Variants in KIAA0825 observed in about 807,000 individuals in gnomAD.
The protein encoded by KIAA0825 is uncharacterized protein KIAA0825.
KIAA0825 carries 119 observed loss-of-function variants against 147.6 expected under a neutral mutation model. That is an observed-to-expected ratio of 0.81 (90% confidence interval 0.69 to 0.94). The LOEUF is 0.94. Among genes scored for constraint, KIAA0825 ranks in the 40% least tolerant of loss-of-function variants. KIAA0825 has a pLI of 0.00. For missense variants in KIAA0825, 1,381 were observed against 1,472.7 expected (o/e 0.94, Z 1.02); for synonymous variants, 470 against 518.1 (o/e 0.91, Z 1.26).
At chr5:94,278,569 T>C (rs934645990) in intron 20 of KIAA0825, among the ~76,000 whole-genome samples, 4 of 152,110 alleles carry the variant, frequency 2.6e-5, no homozygotes. Context: ...TAAGTTGTAT[T>C]GTTGAGTTAG....
chr5:94,254,204 T>TA (rs1776120475), intron 20 of KIAA0825, among the ~76,000 whole-genome samples: 2 of 152,180 alleles, frequency 1.3e-5, no homozygotes, highest in Admixed American at 1.3e-4. Context: ...AACTAATTTT[T>TA]ATGGTTATAG....
intron 1 of KIAA0825, chr5:94,593,263 CA>C (rs1284570779): frequency 2.6e-6 from 2 of 765,702 alleles, no homozygotes; most frequent in African/African-American, 3.4e-5. Context: ...AGCAGATCAG[CA>C]TTTGTATTTT....
intron 20 of KIAA0825, among the ~76,000 whole-genome samples, chr5:94,356,566 GC>G (rs1250213489): frequency 6.6e-6 from 1 of 151,084 alleles, no homozygotes; most frequent in African/African-American, 2.4e-5. Flanking sequence ...AGCCGAGATT[GC>G]GCCACCGGAC....
At chr5:94,326,081 T>C (rs1046843988) in intron 20 of KIAA0825, among the ~76,000 whole-genome samples, 1 of 152,108 alleles carries the variant, frequency 6.6e-6, no homozygotes, top group African/African-American at 2.4e-5. Flanking sequence ...AAAGATATTA[T>C]GTGTTGCTCC....
At position 94,152,848 on chromosome 5, in the gene KIAA0825, A is replaced by T. The variant is rs1766627546; in HGVS notation, c.*1159T>A. 9 of 26,164 alleles carry T rather than the reference A, an allele frequency of 3.4e-4. No individual in the cohort carries two copies. The highest frequency in any genetic ancestry group is 6.2e-4 in the Non-Finnish European group (8 of 12,848). 1.6% of individuals were successfully genotyped at this position (26,164 alleles called of 1,614,324 possible). On this transcript the variant is annotated 3_prime_UTR_variant, in exon 21 of 21. Coordinates refer to ENST00000682413, the MANE Select transcript of KIAA0825 (RefSeq NM_001145678.3). The stretch of plus-strand genomic sequence containing the variant: ...AAAAAAAAAAAAAAAAAAAAAAAAA[A>T]AAAAAAATTATATATATATATATAT...
chr5:94,606,326 T>C (rs978697017), intron 1 of KIAA0825, among the ~76,000 whole-genome samples: 18 of 152,244 alleles, frequency 1.2e-4, no homozygotes, highest in East Asian at 5.8e-4. Context: ...AATGGCTACA[T>C]TGCCCAAAGT....
intron 20 of KIAA0825, among the ~76,000 whole-genome samples, chr5:94,346,034 G>C (rs1011126783): frequency 6.6e-6 from 1 of 152,280 alleles, no homozygotes; most frequent in South Asian, 2.1e-4. Flanking sequence ...TGATTAGTCA[G>C]GGGTCGATCT....
intron 20 of KIAA0825, among the ~76,000 whole-genome samples, chr5:94,345,294 T>TA: frequency 6.6e-6 from 1 of 152,286 alleles, no homozygotes; most frequent in East Asian, 1.9e-4. Context: ...TTTGTGTCAC[T>TA]ACTGCTTGAT....
At chr5:94,548,493 G>T (rs1774898226) in intron 2 of KIAA0825, among the ~76,000 whole-genome samples, 1 of 151,968 alleles carries the variant, frequency 6.6e-6, no homozygotes, top group Non-Finnish European at 1.5e-5. Flanking sequence ...AGGAAGGAAG[G>T]AAAGAAGGAA....
intron 2 of KIAA0825, among the ~76,000 whole-genome samples, chr5:94,549,005 T>G (rs116152088): frequency 0.015 from 2,208 of 152,260 alleles, 56 homozygotes; most frequent in African/African-American, 0.05. Flanking sequence ...ACACCTTACT[T>G]TCAGCATAGG....
In KIAA0825 at chr5:94,594,126, A is replaced by G. The variant is rs1205650922; in HGVS notation, c.-152-11543T>C. 3 of 550,166 alleles carry G rather than the reference A, an allele frequency of 5.5e-6. No homozygotes were observed. In the East Asian group the frequency reaches 1.5e-4, roughly 28 times the overall value. 34.1% of individuals were successfully genotyped at this position (550,166 alleles called of 1,614,324 possible). A position where few individuals can be genotyped will look rare whatever the true frequency, so the allele number is the denominator to read the frequency against. ...TTGGTTTCTCTTTGGCCACACTTGA[A>G]TATTTTCCTGAATATCTGCTAAAGG... On this transcript the variant is annotated intron_variant, in intron 1 of 20. Coordinates refer to ENST00000682413, the MANE Select transcript of KIAA0825 (RefSeq NM_001145678.3).
At chr5:94,461,628 A>C (rs530955392) in intron 12 of KIAA0825, among the ~76,000 whole-genome samples, 2 of 152,024 alleles carry the variant, frequency 1.3e-5, no homozygotes, top group South Asian at 4.1e-4. Flanking sequence ...TATCTAATAC[A>C]AATGTGTCAA....
intron 20 of KIAA0825, among the ~76,000 whole-genome samples, chr5:94,316,665 T>C (rs1779690095): frequency 1.3e-5 from 2 of 151,796 alleles, no homozygotes; most frequent in South Asian, 4.1e-4. Context: ...AACAGTCCAC[T>C]CTGAATCAGG....
At chr5:94,506,278 A>C (rs957365741) in intron 5 of KIAA0825, among the ~76,000 whole-genome samples, 2 of 152,214 alleles carry the variant, frequency 1.3e-5, no homozygotes, top group African/African-American at 4.8e-5. Flanking sequence ...GAGGTAGTTA[A>C]CTTTAATGCT....
At chr5:94,545,046 C>G (rs1227686363) in intron 2 of KIAA0825, among the ~76,000 whole-genome samples, 1 of 151,950 alleles carries the variant, frequency 6.6e-6, no homozygotes, top group East Asian at 1.9e-4. Context: ...AGAGGGAGAG[C>G]ACAGTGACTG....
At chr5:94,214,420 GTT>G (rs2150050632) in intron 20 of KIAA0825, among the ~76,000 whole-genome samples, 1 of 152,200 alleles carries the variant, frequency 6.6e-6, no homozygotes, top group South Asian at 2.1e-4. Flanking sequence ...TATAAGAGAA[GTT>G]TCTTTTCATT....
chr5:94,279,156 T>C (rs1777350209), intron 20 of KIAA0825, among the ~76,000 whole-genome samples: 1 of 152,116 alleles, frequency 6.6e-6, no homozygotes, highest in Admixed American at 6.6e-5. Context: ...TTTTAGATAC[T>C]CATATATTCT....
chr5:94,304,318 G>A (rs1314838120), intron 20 of KIAA0825, among the ~76,000 whole-genome samples: 2 of 152,078 alleles, frequency 1.3e-5, no homozygotes, highest in Non-Finnish European at 2.9e-5. Context: ...TGTTGTAAGT[G>A]AAGGTGTCCT....
At chr5:94,502,333 T>C (rs138523798) in intron 5 of KIAA0825, among the ~76,000 whole-genome samples, 1 of 152,288 alleles carries the variant, frequency 6.6e-6, no homozygotes, top group African/African-American at 2.4e-5. Flanking sequence ...CTTAGTGATA[T>C]ACAAATAAAT....
Sources: gnomAD v4.1 joint callset for allele counts (sites outside exome capture counted in the v4.1 genomes callset) on GRCh38, gnomAD v4.1.1 for gene constraint, MANE v1.5 for transcripts, NCBI Gene and HGNC (gene_info 2026-07-23, HGNC 2026-07-21) for gene names.